The following VPS35L variants were observed in gnomAD, a reference collection of about 807,000 sequenced individuals.
VPS35L encodes the protein VPS35 endosomal protein-sorting factor-like.
In VPS35L, 83 loss-of-function variants were observed where a neutral mutation model predicts 133.0. The ratio of observed to expected loss-of-function variants is 0.62; its 90% CI spans 0.52 to 0.75. The LOEUF (loss-of-function observed/expected upper bound fraction) is 0.75. VPS35L is among the 30% of genes least tolerant of loss of function. The pLI, the probability that VPS35L is intolerant of heterozygous loss-of-function variation, is 0.00. For missense variants in VPS35L, 1,083 were observed against 1,206.8 expected, an observed-to-expected ratio of 0.90 and a Z score of 1.52; for synonymous variants, 423 against 449.9, an observed-to-expected ratio of 0.94 and a Z score of 0.76.
intron 9 of VPS35L, among the ~76,000 whole-genome samples, chr16:19,601,982 C>T (rs186804554): frequency 6.6e-5 from 10 of 152,126 alleles, no homozygotes; most frequent in Middle Eastern, 3.4e-3. Flanking sequence ...AACTTTCACA[C>T]GAACATATTT....
chr16:19,626,026 C>T, intron 14 of VPS35L, 151 bp from the exon 15 acceptor site: 1 of 549,836 alleles, frequency 1.8e-6, no homozygotes, highest in South Asian at 2.6e-5. Flanking sequence ...TTTTTCTCCC[C>T]AAGCCTCCCC....
At position 19,616,205 on chromosome 16, in the gene VPS35L, A is replaced by C. The variant is rs376441307; in HGVS notation, c.1101+14A>C. On this transcript the variant is annotated intron_variant, in intron 13 of 30. Coordinates refer to ENST00000417362, the MANE Select transcript of VPS35L (RefSeq NM_020314.7). Reference sequence around the variant, plus strand: ...ACGTTCAAACAGGTAAGAGAACACTATCAGAATAGCTCATCGATATAACAG... The same window carrying C: ...ACGTTCAAACAGGTAAGAGAACACTCTCAGAATAGCTCATCGATATAACAG... 102 of 1,590,360 alleles carry C rather than the reference A, an allele frequency of 6.4e-5. No individual in the cohort carries two copies. The highest frequency in any genetic ancestry group is 8.5e-5 in the Non-Finnish European group (99 of 1,159,158).
At chr16:19,685,440 G>A (rs1975424141) in intron 28 of VPS35L, among the ~76,000 whole-genome samples, 1 of 152,272 alleles carries the variant, frequency 6.6e-6, no homozygotes, top group South Asian at 2.1e-4. Flanking sequence ...CTTCTGGATG[G>A]AAATTTGCAT....
Position 19,668,801 on chromosome 16 carries a change from C to T in VPS35L, c.2222-359C>T, listed in dbSNP as rs79832192. Reference sequence around the variant, plus strand: ...CCTTATTTCTCGTCTGTGAAGTACACGTGTTGACAGCACCTTCCTCGCACT... The same window carrying T: ...CCTTATTTCTCGTCTGTGAAGTACATGTGTTGACAGCACCTTCCTCGCACT... On this transcript the variant is annotated intron_variant, in intron 26 of 30. Coordinates refer to ENST00000417362, the MANE Select transcript of VPS35L (RefSeq NM_020314.7). Among the ~76,000 whole-genome samples the T allele has an allele frequency of 1.1e-3, 161 of 152,316 alleles. 4 individuals carry two copies. The East Asian group carries it at 0.025, about 24-fold the overall frequency.
intron 27 of VPS35L, among the ~76,000 whole-genome samples, chr16:19,679,137 G>C (rs962519639): frequency 6.6e-6 from 1 of 151,108 alleles, no homozygotes; most frequent in African/African-American, 2.4e-5. Flanking sequence ...AGAAGGCTGG[G>C]GGGGCGGGGG....
At chr16:19,611,032 C>T (rs898293115) in intron 12 of VPS35L, among the ~76,000 whole-genome samples, 1 of 152,170 alleles carries the variant, frequency 6.6e-6, no homozygotes. Context: ...TGGAGTCTTA[C>T]TGTGTCGCCC....
Position 19,634,397 on chromosome 16 carries a change from G to A in VPS35L, c.1635+1225G>A, listed in dbSNP as rs1266084797. 4.7e-5 allele frequency among the ~76,000 whole-genome samples: 7 copies of A among 148,162 alleles called. No homozygotes were observed. The Admixed American group carries it at 4.7e-4, about 10-fold the overall frequency. ...AGTTGCAGTGAGCCCTCCAGCCCGG[G>A]TGAGAGAGAGACACGGTCTCAAAAA... On this transcript the variant is annotated intron_variant, in intron 19 of 30. Transcript: ENST00000417362.
intron 26 of VPS35L, 75 bp from the exon 27 acceptor site, chr16:19,669,085 C>G: frequency 6.7e-7 from 1 of 1,481,974 alleles, no homozygotes; most frequent in South Asian, 1.3e-5. Context: ...GACTGGCCTT[C>G]AGGCCACGTG....
At chr16:19,653,382 C>T (rs1974195758) in intron 26 of VPS35L, among the ~76,000 whole-genome samples, 1 of 152,174 alleles carries the variant, frequency 6.6e-6, no homozygotes, top group African/African-American at 2.4e-5. Flanking sequence ...TGTGGCAAGC[C>T]CTTTGCACAA....
At chr16:19,657,651 T>C (rs1974349307) in intron 26 of VPS35L, among the ~76,000 whole-genome samples, 1 of 152,190 alleles carries the variant, frequency 6.6e-6, no homozygotes, top group East Asian at 1.9e-4. Flanking sequence ...AGATGAGGAA[T>C]GTTCAACCTG....
intron 9 of VPS35L, among the ~76,000 whole-genome samples, chr16:19,605,263 C>G (rs1173927297): frequency 4.6e-5 from 7 of 152,072 alleles, no homozygotes; most frequent in Non-Finnish European, 8.8e-5. Flanking sequence ...AAAAGCAGCA[C>G]CATAAAAGAA....
At chr16:19,591,010 C>T (rs950081532) in intron 7 of VPS35L, among the ~76,000 whole-genome samples, 1 of 151,964 alleles carries the variant, frequency 6.6e-6, no homozygotes, top group East Asian at 1.9e-4. Flanking sequence ...ATGGCTGTGA[C>T]CCTTTGGCAT....
At chr16:19,689,502 C>T (rs1484695100) in intron 28 of VPS35L, among the ~76,000 whole-genome samples, 1 of 151,892 alleles carries the variant, frequency 6.6e-6, no homozygotes, top group Non-Finnish European at 1.5e-5. Flanking sequence ...AAACTCCTGA[C>T]CTCAAGTGAT....
intron 23 of VPS35L, among the ~76,000 whole-genome samples, chr16:19,647,154 G>A (rs1020419625): frequency 4.6e-5 from 7 of 152,134 alleles, no homozygotes; most frequent in Non-Finnish European, 1.0e-4. Flanking sequence ...ATTTTCCCAA[G>A]TCGCTCTCCT....
At chr16:19,578,999 G>T in intron 5 of VPS35L, 53 bp from the exon 6 acceptor site, 1 of 1,437,752 alleles carries the variant, frequency 7.0e-7, no homozygotes, top group Non-Finnish European at 9.8e-7. Flanking sequence ...CTCCACTGGG[G>T]GTATTGGTGC....
At position 19,652,076 on chromosome 16, in the gene VPS35L, A is replaced by G; in HGVS notation, c.2207A>G (p.Gln736Arg). 6.3e-7 allele frequency: 1 copy of G among 1,597,790 alleles called. No individual in the cohort carries two copies. Among genetic ancestry groups the G allele is most frequent in the Non-Finnish European group, 8.6e-7 (1 of 1,168,090 alleles). The change falls in exon 26 of 31, where the codon CAG (glutamine) becomes CGG (arginine). Residue 736 changes from glutamine (Q) to arginine (R), a missense_variant. Transcript: ENST00000417362. ...TCTGGTCAGGTGGCCTTGGCCAACC[A>G]GTGCCTCTCCCAAGGTAAGTCCATC... ...LHSGQVALAN[Q>R]CLSQADAFFK...
Position 19,560,099 on chromosome 16 carries a change from A to G in VPS35L, c.17+4353A>G, listed in dbSNP as rs535647406. Among the ~76,000 whole-genome samples, 7 of 152,374 alleles carry G rather than the reference A, an allele frequency of 4.6e-5. No individual in the cohort carries two copies. The South Asian group carries it at 6.2e-4, about 14-fold the overall frequency. ...TAAGGGAAATAGACTTAAATTTTAA[A>G]GTTCTCAACATGACTTATAGATAAT... On this transcript the variant is annotated intron_variant, in intron 1 of 30. Transcript: ENST00000417362.
chr16:19,590,130 TCCCGC>T (rs1430288350), intron 7 of VPS35L, among the ~76,000 whole-genome samples: 7 of 57,084 alleles, frequency 1.2e-4, no homozygotes, highest in African/African-American at 2.6e-4. Context: ...CAGCTTACAT[TCCCGC>T]CCCGCCCCCC....
intron 8 of VPS35L, among the ~76,000 whole-genome samples, chr16:19,596,950 C>T (rs1972235097): frequency 6.6e-6 from 1 of 152,000 alleles, no homozygotes; most frequent in Non-Finnish European, 1.5e-5. Flanking sequence ...ACCCAGGAGG[C>T]AGAGGTTGCA....
Sources: allele counts gnomAD v4.1 joint callset (sites outside exome capture counted in the v4.1 genomes callset), GRCh38; gene constraint gnomAD v4.1.1; transcripts MANE v1.5; gene names NCBI Gene and HGNC (gene_info 2026-07-23, HGNC 2026-07-21).